RCAN2: variants seen among roughly 807,000 people sequenced by gnomAD.
The protein encoded by RCAN2 is regulator of calcineurin 2, also known as calcipressin-2.
In RCAN2, 9 loss-of-function variants were observed where a neutral mutation model predicts 23.6. The ratio of observed to expected loss-of-function variants is 0.38; its 90% CI spans 0.23 to 0.67. The LOEUF (loss-of-function observed/expected upper bound fraction) is 0.67. Ranked by LOEUF, RCAN2 falls within the 30% of genes least tolerant of loss-of-function variation. The pLI is 0.51. For missense variants in RCAN2, 273 were observed against 302.3 expected, an observed-to-expected ratio of 0.90 and a Z score of 0.72; for synonymous variants, 109 against 115.7, an observed-to-expected ratio of 0.94 and a Z score of 0.37.
Position 46,314,430 on chromosome 6 carries a change from T to G in RCAN2, c.226-65534A>C, listed in dbSNP as rs370762263. Among the ~76,000 whole-genome samples the G allele has an allele frequency of 8.0e-5, 12 of 150,292 alleles. No individual in the cohort carries two copies. In the South Asian group the frequency reaches 8.5e-4, roughly 11 times the overall value. ...ATGTTTACTAGTTTTATGATATAAG[T>G]TTATAAGCAGCCAGAGTAGGTGTGT... On this transcript the variant is annotated intron_variant, in intron 2 of 4. Transcript: ENST00000371374.
At chr6:46,419,563 T>C (rs1766813688) in intron 2 of RCAN2, among the ~76,000 whole-genome samples, 1 of 152,190 alleles carries the variant, frequency 6.6e-6, no homozygotes, top group African/African-American at 2.4e-5. Context: ...GCCCAAGATT[T>C]TATAAAAATA....
chr6:46,339,396 G>GT (rs905702187), intron 2 of RCAN2, among the ~76,000 whole-genome samples: 4 of 151,932 alleles, frequency 2.6e-5, no homozygotes, highest in African/African-American at 9.7e-5. Context: ...GAGGTAAGTG[G>GT]TTTTTTAGTT....
intron 2 of RCAN2, among the ~76,000 whole-genome samples, chr6:46,257,558 G>T (rs558864276): frequency 6.6e-6 from 1 of 152,212 alleles, no homozygotes; most frequent in Non-Finnish European, 1.5e-5. Flanking sequence ...GAGAGTGAAG[G>T]GGGAAGAGCC....
intron 2 of RCAN2, among the ~76,000 whole-genome samples, chr6:46,397,266 G>GTTTCCAGGGGAGTGGTAACTACAAAGT (rs1766117139): frequency 6.6e-6 from 1 of 151,970 alleles, no homozygotes; most frequent in Non-Finnish European, 1.5e-5. Context: ...AACTACAAAG[G>GTTTCCAGGGGAGTGGTAACTACAAAGT]GGGGTACCAT....
chr6:46,291,518 A>T (rs1203510211), intron 2 of RCAN2, among the ~76,000 whole-genome samples: 1 of 152,082 alleles, frequency 6.6e-6, no homozygotes, highest in Admixed American at 6.6e-5. Context: ...CAGGCACTGC[A>T]GGGCTTTGAT....
chr6:46,446,548 A>T (rs1464754750), intron 2 of RCAN2, among the ~76,000 whole-genome samples: 3 of 152,192 alleles, frequency 2.0e-5, no homozygotes, highest in African/African-American at 7.2e-5. Context: ...TACACAGTCA[A>T]ATTCAGAATA....
At chr6:46,236,318 C>G (rs1766093828) in intron 4 of RCAN2, among the ~76,000 whole-genome samples, 1 of 152,188 alleles carries the variant, frequency 6.6e-6, no homozygotes, top group Non-Finnish European at 1.5e-5. Context: ...CACCACTTCC[C>G]CTTTCTCTGT....
At chr6:46,283,036 G>T (rs139188498) in intron 2 of RCAN2, among the ~76,000 whole-genome samples, 2 of 152,318 alleles carry the variant, frequency 1.3e-5, no homozygotes, top group East Asian at 3.9e-4. Flanking sequence ...CCGGGGGCTG[G>T]CAGGGAGGCA....
Position 46,246,783 on chromosome 6 carries a change from TAGTTGA to T in RCAN2, c.530_535del (p.Leu177_Tyr179delinsHis). The T allele has an allele frequency of 6.2e-7, 1 of 1,613,736 alleles. No homozygotes were observed. Among genetic ancestry groups the T allele is most frequent in the Non-Finnish European group, 8.5e-7 (1 of 1,179,858 alleles). On this transcript the variant is annotated inframe_deletion, in exon 4 of 5. Transcript: ENST00000371374. ...TTTGGCCACAGCATAGAGGAGGTCATAGTTGAGGACTGGCGTGGCATCGTTGATGGG... is the reference window on the plus strand; with the variant it reads ...TTTGGCCACAGCATAGAGGAGGTCATGGACTGGCGTGGCATCGTTGATGGG...
intron 2 of RCAN2, among the ~76,000 whole-genome samples, chr6:46,433,000 C>G (rs999014955): frequency 6.6e-6 from 1 of 152,116 alleles, no homozygotes; most frequent in African/African-American, 2.4e-5. Flanking sequence ...AGAGGAGGAG[C>G]CTTCCCTTGG....
At chr6:46,390,868 A>G (rs1422214081) in intron 2 of RCAN2, among the ~76,000 whole-genome samples, 1 of 152,188 alleles carries the variant, frequency 6.6e-6, no homozygotes, top group Non-Finnish European at 1.5e-5. Context: ...TAATAACTCT[A>G]TTGTATGAGG....
intron 2 of RCAN2, among the ~76,000 whole-genome samples, chr6:46,382,201 G>A (rs554446375): frequency 6.6e-6 from 1 of 152,134 alleles, no homozygotes; most frequent in African/African-American, 2.4e-5. Flanking sequence ...TGTATGCTAT[G>A]ATTTGCACAC....
In RCAN2 at chr6:46,325,686, C is replaced by T. The variant is rs1040959481; in HGVS notation, c.226-76790G>A. Reference sequence around the variant, plus strand: ...CAGCAGAGTAACGAACGGCCCGGCTCGCTCATGGCAATGACATCACCACAA... The same window carrying T: ...CAGCAGAGTAACGAACGGCCCGGCTTGCTCATGGCAATGACATCACCACAA... On this transcript the variant is annotated intron_variant, in intron 2 of 4. Coordinates refer to ENST00000371374, the MANE Select transcript of RCAN2 (RefSeq NM_001251974.2). The T allele has an allele frequency of 2.9e-6, 4 of 1,360,834 alleles. No individual in the cohort carries two copies. In the African/African-American group the frequency reaches 4.4e-5, roughly 15 times the overall value. 84.3% of individuals were successfully genotyped at this position (1,360,834 alleles called of 1,614,324 possible).
intron 2 of RCAN2, among the ~76,000 whole-genome samples, chr6:46,425,441 TGTGG>T (rs1251557120): frequency 6.6e-6 from 1 of 152,222 alleles, no homozygotes; most frequent in African/African-American, 2.4e-5. Flanking sequence ...CTTTTAATAT[TGTGG>T]TTAACTTCAC....
At chr6:46,398,666 G>C (rs1001649543) in intron 2 of RCAN2, among the ~76,000 whole-genome samples, 1 of 152,062 alleles carries the variant, frequency 6.6e-6, no homozygotes, top group Non-Finnish European at 1.5e-5. Context: ...TTTCTGGCTA[G>C]TAAAAACCAT....
At chr6:46,435,195 G>A (rs1767332943) in intron 2 of RCAN2, among the ~76,000 whole-genome samples, 1 of 152,152 alleles carries the variant, frequency 6.6e-6, no homozygotes, top group South Asian at 2.1e-4. Context: ...TCTGTCTACA[G>A]TGATTATATA....
rs150845544 is a variant in RCAN2, at chr6:46,421,491, A to G, written c.225+35261T>C. ...TGAAAGATAAAGAATTTGACTTTTG[A>G]CATGTTAAATTTAAGATGACAGTGA... On this transcript the variant is annotated intron_variant, in intron 2 of 4. Coordinates refer to ENST00000371374, the MANE Select transcript of RCAN2 (RefSeq NM_001251974.2). 7.7e-3 allele frequency among the ~76,000 whole-genome samples: 1,169 copies of G among 152,346 alleles called. 7 individuals are homozygous for G. Among genetic ancestry groups the G allele is most frequent in the African/African-American group, 0.027 (1,115 of 41,580 alleles).
chr6:46,266,318 A>G (rs1767325638), intron 2 of RCAN2, among the ~76,000 whole-genome samples: 2 of 152,190 alleles, frequency 1.3e-5, no homozygotes, highest in Non-Finnish European at 2.9e-5. Flanking sequence ...TAACGCTTGT[A>G]GACTGGTTTG....
At chr6:46,365,101 T>C (rs1765129761) in intron 2 of RCAN2, among the ~76,000 whole-genome samples, 1 of 152,148 alleles carries the variant, frequency 6.6e-6, no homozygotes, top group South Asian at 2.1e-4. Context: ...TTTTCCCCAA[T>C]GTAATAATAA....
Sources: allele counts gnomAD v4.1 joint callset (sites outside exome capture counted in the v4.1 genomes callset), GRCh38; gene constraint gnomAD v4.1.1; transcripts MANE v1.5; gene names NCBI Gene and HGNC (gene_info 2026-07-23, HGNC 2026-07-21).